Variants in PTPRK observed in about 807,000 individuals in gnomAD.
The protein encoded by PTPRK is protein tyrosine phosphatase receptor type K.
Under a neutral mutation model 178.0 loss-of-function variants are expected in PTPRK, and 75 were observed. The observed-to-expected ratio is 0.42, with a 90% CI of 0.35 to 0.51. PTPRK has a LOEUF of 0.51. PTPRK is among the 20% of genes least tolerant of loss of function. PTPRK has a pLI of 0.02. For missense variants in PTPRK, 1,441 were observed against 1,797.8 expected, an observed-to-expected ratio of 0.80 and a Z score of 3.59; for synonymous variants, 637 against 620.6, an observed-to-expected ratio of 1.03 and a Z score of -0.39.
chr6:128,030,917 A>AT (rs888112837), intron 13 of PTPRK, among the ~76,000 whole-genome samples: 23 of 152,096 alleles, frequency 1.5e-4, no homozygotes, highest in African/African-American at 3.4e-4. Flanking sequence ...CATAGCATTC[A>AT]TTTTTTTCCC....
rs547619559 is a variant in PTPRK at position 128,412,858 on chromosome 6, T to C, written c.101-15170A>G. ...CTTGCACTCCTTTCTCCCTATTTCT[T>C]CCCTTCACGAGCGGGAGGGAGGCAT... On this transcript the variant is annotated intron_variant, in intron 1 of 29. Transcript: ENST00000368226. Among the ~76,000 whole-genome samples, 67 of 152,186 alleles carry C rather than the reference T, an allele frequency of 4.4e-4. 1 individual carries two copies. The highest frequency in any genetic ancestry group is 1.6e-3 in the African/African-American group (65 of 41,494).
chr6:128,218,873 T>G, intron 6 of PTPRK, 49 bp downstream of exon 6: 2 of 1,482,114 alleles, frequency 1.3e-6, no homozygotes, highest in Non-Finnish European at 1.8e-6. Context: ...GTTGCTTTTG[T>G]TCTAATAAAG....
chr6:128,462,425 CT>C (rs140658532), intron 1 of PTPRK, among the ~76,000 whole-genome samples: 1,712 of 152,034 alleles, frequency 0.011, 33 homozygotes, highest in African/African-American at 0.039. Context: ...TAGTAACACT[CT>C]TTTGTTCTTA....
At chr6:128,089,215 C>T (rs1357113258) in intron 8 of PTPRK, among the ~76,000 whole-genome samples, 3 of 152,186 alleles carry the variant, frequency 2.0e-5, no homozygotes, top group South Asian at 2.1e-4. Context: ...CCACCTGCCT[C>T]GGCCTCCCAA....
At chr6:128,300,054 T>C (rs1255034980) in intron 3 of PTPRK, among the ~76,000 whole-genome samples, 2 of 151,986 alleles carry the variant, frequency 1.3e-5, no homozygotes, top group African/African-American at 2.4e-5. Context: ...CAACAAAAAG[T>C]GGGCAAAGGA....
intron 7 of PTPRK, among the ~76,000 whole-genome samples, chr6:128,142,904 T>C (rs1157406215): frequency 6.6e-6 from 1 of 152,010 alleles, no homozygotes; most frequent in African/African-American, 2.4e-5. Flanking sequence ...TAGAGACAAT[T>C]TGGTACATTG....
chr6:128,468,480 T>C (rs1850186415), intron 1 of PTPRK, among the ~76,000 whole-genome samples: 2 of 152,146 alleles, frequency 1.3e-5, no homozygotes, highest in African/African-American at 4.8e-5. Flanking sequence ...TTATCAGTAA[T>C]GTTTATTTTC....
intron 2 of PTPRK, among the ~76,000 whole-genome samples, chr6:128,396,478 T>C (rs1336109780): frequency 6.6e-6 from 1 of 151,978 alleles, no homozygotes; most frequent in Non-Finnish European, 1.5e-5. Flanking sequence ...CACAATTTAA[T>C]GTTATTGCTA....
At chr6:128,084,636 A>G (rs5018187) in intron 8 of PTPRK, among the ~76,000 whole-genome samples, 152,297 of 152,312 alleles carry the variant, frequency 1, 76,141 homozygotes, top group Middle Eastern at 1. Flanking sequence ...ATACACAATG[A>G]CAACACTGAA....
intron 7 of PTPRK, among the ~76,000 whole-genome samples, chr6:128,165,349 A>G (rs577034195): frequency 6.6e-5 from 10 of 151,436 alleles, no homozygotes; most frequent in East Asian, 3.9e-4. Context: ...TCCTCTTTAC[A>G]TACAGTATGC....
intron 2 of PTPRK, among the ~76,000 whole-genome samples, chr6:128,343,586 AAAAAT>A (rs1185950659): frequency 2.6e-5 from 4 of 152,138 alleles, no homozygotes; most frequent in African/African-American, 7.2e-5. Context: ...TTTAAAGACA[AAAAAT>A]AAAATAAAGA....
chr6:128,236,028 T>C (rs1813190832), intron 5 of PTPRK, among the ~76,000 whole-genome samples: 1 of 152,154 alleles, frequency 6.6e-6, no homozygotes, highest in Admixed American at 6.6e-5. Flanking sequence ...AATTTATTAA[T>C]TAAACTTGAT....
chr6:128,361,326 A>T (rs887869963), intron 2 of PTPRK, among the ~76,000 whole-genome samples: 1 of 152,152 alleles, frequency 6.6e-6, no homozygotes, highest in African/African-American at 2.4e-5. Flanking sequence ...CCCTTTCTAT[A>T]TTTAAAAAAC....
At chr6:128,315,282 C>T (rs1282282479) in intron 3 of PTPRK, among the ~76,000 whole-genome samples, 1 of 151,976 alleles carries the variant, frequency 6.6e-6, no homozygotes, top group African/African-American at 2.4e-5. Context: ...ATTTTTCATT[C>T]TTTATTATTT....
intron 7 of PTPRK, among the ~76,000 whole-genome samples, chr6:128,151,778 A>G (rs1265906700): frequency 1.3e-5 from 2 of 152,082 alleles, no homozygotes; most frequent in African/African-American, 4.8e-5. Context: ...GTGATCAAGG[A>G]AACAGAATAA....
intron 1 of PTPRK, among the ~76,000 whole-genome samples, chr6:128,405,417 C>T (rs1348874089): frequency 1.3e-5 from 2 of 152,036 alleles, no homozygotes; most frequent in East Asian, 3.9e-4. Flanking sequence ...GTATATTTAC[C>T]CAAGTTTCTT....
intron 1 of PTPRK, among the ~76,000 whole-genome samples, chr6:128,492,197 C>T (rs566470980): frequency 1.3e-5 from 2 of 152,240 alleles, no homozygotes; most frequent in South Asian, 2.1e-4. Flanking sequence ...CCTTCACATG[C>T]TGCCTTCTCT....
At chr6:128,116,803 A>G (rs1361517738) in intron 7 of PTPRK, among the ~76,000 whole-genome samples, 1 of 152,238 alleles carries the variant, frequency 6.6e-6, no homozygotes, top group African/African-American at 2.4e-5. Context: ...ATTTATGAAG[A>G]GACAAAATTG....
chr6:128,266,153 C>T (rs1818912368), intron 3 of PTPRK, among the ~76,000 whole-genome samples: 1 of 152,102 alleles, frequency 6.6e-6, no homozygotes, highest in African/African-American at 2.4e-5. Flanking sequence ...CTAGCACACA[C>T]ATTTTCTTGC....
Sources: allele counts gnomAD v4.1 joint callset (sites outside exome capture counted in the v4.1 genomes callset), GRCh38; gene constraint gnomAD v4.1.1; transcripts MANE v1.5; gene names NCBI Gene and HGNC (gene_info 2026-07-23, HGNC 2026-07-21).